Variants in SOX5 observed in about 807,000 individuals in gnomAD.
The protein encoded by SOX5 is transcription factor SOX-5.
SOX5 carries 9 observed loss-of-function variants against 92.0 expected under a neutral mutation model. The ratio of observed to expected loss-of-function variants is 0.10; its 90% CI spans 0.06 to 0.17. SOX5 has a LOEUF of 0.17. Ranked by LOEUF, SOX5 falls within the 10% of genes least tolerant of loss-of-function variation. The pLI is 1.00. For synonymous variants in SOX5, 344 were observed against 336.3 expected, an observed-to-expected ratio of 1.02 and a Z score of -0.25; for missense variants, 642 against 944.5, an observed-to-expected ratio of 0.68 and a Z score of 4.20.
At chr12:23,869,659 A>G (rs1723659667) in intron 2 of SOX5, among the ~76,000 whole-genome samples, 1 of 152,152 alleles carries the variant, frequency 6.6e-6, no homozygotes, top group South Asian at 2.1e-4. Flanking sequence ...AATCAGTTCT[A>G]TCACTAAGTA....
chr12:23,899,219 T>C (rs954257839), intron 1 of SOX5, among the ~76,000 whole-genome samples: 3 of 151,998 alleles, frequency 2.0e-5, no homozygotes, highest in African/African-American at 7.2e-5. Flanking sequence ...CTGACCAACA[T>C]GGAGAAACCC....
chr12:24,188,297 G>A (rs1956205861), intron 4 of SOX5, among the ~76,000 whole-genome samples: 1 of 152,074 alleles, frequency 6.6e-6, no homozygotes. Context: ...AGAGCCCCCT[G>A]CATAATCAAT....
intron 1 of SOX5, among the ~76,000 whole-genome samples, chr12:23,906,307 A>G (rs1172660722): frequency 6.6e-6 from 1 of 152,216 alleles, no homozygotes; most frequent in African/African-American, 2.4e-5. Flanking sequence ...CTTTTTATTT[A>G]TAGTTAGAGA....
chr12:24,354,361 C>G (rs1660209607), intron 2 of SOX5, among the ~76,000 whole-genome samples: 2 of 152,256 alleles, frequency 1.3e-5, no homozygotes, highest in African/African-American at 4.8e-5. Context: ...GCCAGTGGGT[C>G]TGCTCTGCAG....
upstream of SOX5, among the ~76,000 whole-genome samples, chr12:23,954,033 A>T (rs1945982578): frequency 1.3e-5 from 2 of 152,032 alleles, no homozygotes; most frequent in South Asian, 2.1e-4. Flanking sequence ...CAAACAAGTT[A>T]TTTTCAAATT....
chr12:23,649,382 T>C (rs1338056288), intron 7 of SOX5, among the ~76,000 whole-genome samples: 1 of 152,136 alleles, frequency 6.6e-6, no homozygotes, highest in African/African-American at 2.4e-5. Flanking sequence ...ATTTTGTAAA[T>C]ACCTCATGAG....
chr12:23,774,165 A>T (rs911051724), intron 3 of SOX5, among the ~76,000 whole-genome samples: 1 of 152,204 alleles, frequency 6.6e-6, no homozygotes, highest in African/African-American at 2.4e-5. Context: ...TCATCATGTT[A>T]CCTTTTACTG....
intron 1 of SOX5, among the ~76,000 whole-genome samples, chr12:24,506,784 C>CTTTT (rs386375924): frequency 0.075 from 6,099 of 81,546 alleles, 428 homozygotes; most frequent in East Asian, 0.19. Flanking sequence ...TCCAAATGGT[C>CTTTT]TTTTTTTTTT....
intron 2 of SOX5, among the ~76,000 whole-genome samples, chr12:23,876,634 C>A (rs2096929955): frequency 6.6e-6 from 1 of 152,116 alleles, no homozygotes; most frequent in Admixed American, 6.5e-5. Flanking sequence ...ATCCCAATAC[C>A]CATTACTGGG....
intron 1 of SOX5, among the ~76,000 whole-genome samples, chr12:24,520,855 C>T (rs970270545): frequency 6.6e-6 from 1 of 151,922 alleles, no homozygotes; most frequent in African/African-American, 2.4e-5. Context: ...CTTTATCAGA[C>T]AAAAAAGATT....
chr12:24,368,792 A>G (rs1183644040), intron 1 of SOX5, among the ~76,000 whole-genome samples: 1 of 152,224 alleles, frequency 6.6e-6, no homozygotes, highest in African/African-American at 2.4e-5. Context: ...GGAGCACTGC[A>G]CATTCTTATA....
chr12:24,330,844 T>C (rs778568096), intron 2 of SOX5, among the ~76,000 whole-genome samples: 13 of 152,186 alleles, frequency 8.5e-5, no homozygotes, highest in Non-Finnish European at 1.9e-4. Flanking sequence ...ATTTTCTAAA[T>C]GTTGCAAACC....
intron 1 of SOX5, among the ~76,000 whole-genome samples, chr12:24,437,217 G>A (rs137963837): frequency 6.6e-6 from 1 of 152,158 alleles, no homozygotes; most frequent in African/African-American, 2.4e-5. Flanking sequence ...ATAAGCAATG[G>A]GGAAATGATT....
chr12:24,470,172 T>G (rs181925063), intron 1 of SOX5, among the ~76,000 whole-genome samples: 1 of 152,346 alleles, frequency 6.6e-6, no homozygotes, highest in Non-Finnish European at 1.5e-5. Context: ...TGCCATTTAT[T>G]ACTTTCCTAC....
chr12:23,809,434 A>C (rs2095837416), intron 3 of SOX5, among the ~76,000 whole-genome samples: 2 of 152,090 alleles, frequency 1.3e-5, no homozygotes, highest in African/African-American at 4.8e-5. Flanking sequence ...CAACTAAGTT[A>C]GTGTAAATTT....
intron 1 of SOX5, among the ~76,000 whole-genome samples, chr12:24,535,556 G>A (rs1268619973): frequency 6.6e-6 from 1 of 152,176 alleles, no homozygotes; most frequent in African/African-American, 2.4e-5. Context: ...CAGTAGCCCA[G>A]CCAAGGATTT....
At chr12:24,336,325 C>T (rs1951899518) in intron 2 of SOX5, among the ~76,000 whole-genome samples, 2 of 152,148 alleles carry the variant, frequency 1.3e-5, no homozygotes, top group Admixed American at 6.5e-5. Context: ...GCTCTCCTGA[C>T]CTTGTGATCC....
chr12:23,853,234 T>C (rs1032416981), intron 2 of SOX5, among the ~76,000 whole-genome samples: 2 of 151,302 alleles, frequency 1.3e-5, no homozygotes, highest in African/African-American at 4.8e-5. Context: ...TCCTACTAAC[T>C]ATATAGATTA....
chr12:23,773,665 C>G (rs1316718535), intron 3 of SOX5, among the ~76,000 whole-genome samples: 1 of 152,048 alleles, frequency 6.6e-6, no homozygotes, highest in Admixed American at 6.5e-5. Context: ...AGCCACTGTG[C>G]CTGGCCTACC....
Sources: gnomAD v4.1 joint callset for allele counts (sites outside exome capture counted in the v4.1 genomes callset) on GRCh38, gnomAD v4.1.1 for gene constraint, MANE v1.5 for transcripts, NCBI Gene and HGNC (gene_info 2026-07-23, HGNC 2026-07-21) for gene names.